Variants in MYO1H observed in about 807,000 individuals in gnomAD.
MYO1H encodes unconventional myosin-Ih.
Under a neutral mutation model 149.3 loss-of-function variants are expected in MYO1H, and 118 were observed. That is an observed-to-expected ratio of 0.79 (90% CI 0.68 to 0.92). The LOEUF is 0.92. Ranked by LOEUF, MYO1H falls within the 40% of genes least tolerant of loss-of-function variation. MYO1H has a pLI of 0.00. For missense variants in MYO1H, 1,212 were observed against 1,280.7 expected (o/e 0.95, Z 0.82); for synonymous variants, 447 against 465.2 (o/e 0.96, Z 0.50).
At chr12:109,441,513 C>T (rs1872127221) in intron 25 of MYO1H, 102 bp from the exon 26 acceptor site, 1 of 688,794 alleles carries the variant, frequency 1.5e-6, no homozygotes. Flanking sequence ...AAGGCTCCCA[C>T]AGTTTATCCA....
chr12:109,345,530 C>T (rs148096894), upstream of MYO1H, among the ~76,000 whole-genome samples: 333 of 152,128 alleles, frequency 2.2e-3, 1 homozygote, highest in East Asian at 0.023. Flanking sequence ...ATGATGTGGC[C>T]AGTTTAGAAA....
chr12:109,375,716 A>G (rs956912414), intron 1 of MYO1H, among the ~76,000 whole-genome samples: 1 of 152,066 alleles, frequency 6.6e-6, no homozygotes, highest in Non-Finnish European at 1.5e-5. Flanking sequence ...AGTGGCTCAC[A>G]CCTGTAATCC....
intron 1 of MYO1H, among the ~76,000 whole-genome samples, chr12:109,380,439 A>G (rs1458785387): frequency 6.6e-6 from 1 of 152,248 alleles, no homozygotes; most frequent in African/African-American, 2.4e-5. Context: ...GGGAACCTAA[A>G]AAACACAGTA....
chr12:109,392,222 C>T (rs555817138), intron 2 of MYO1H, among the ~76,000 whole-genome samples: 23 of 152,324 alleles, frequency 1.5e-4, no homozygotes, highest in African/African-American at 4.8e-4. Flanking sequence ...TGGGAGCCCA[C>T]GGAGCCTGTA....
chr12:109,316,386 G>A, the MYO1H span, among the ~76,000 whole-genome samples: 1 of 152,128 alleles, frequency 6.6e-6, no homozygotes, highest in Admixed American at 6.5e-5. Context: ...AAAAAGCAGC[G>A]TGTTCACTCA....
chr12:109,431,579 C>T (rs548442733), intron 19 of MYO1H, among the ~76,000 whole-genome samples: 6 of 152,250 alleles, frequency 3.9e-5, no homozygotes, highest in East Asian at 1.9e-4. Flanking sequence ...CCTCCCGCTC[C>T]GGAGCTGGGC....
the MYO1H span, among the ~76,000 whole-genome samples, chr12:109,314,203 TTTTC>T: frequency 1.4e-3 from 211 of 151,492 alleles, 2 homozygotes; most frequent in African/African-American, 8.9e-4. Context: ...TTTTTTTCTT[TTTTC>T]TTTGTCTTTT....
At chr12:109,385,234 A>G (rs1247580573) in intron 1 of MYO1H, among the ~76,000 whole-genome samples, 3 of 151,988 alleles carry the variant, frequency 2.0e-5, no homozygotes, top group East Asian at 1.9e-4. Flanking sequence ...ATGCTATGCT[A>G]TATGTGGTAC....
chr12:109,395,210 AGTTT>A (rs1176743932), intron 3 of MYO1H, among the ~76,000 whole-genome samples: 1 of 152,140 alleles, frequency 6.6e-6, no homozygotes, highest in African/African-American at 2.4e-5. Flanking sequence ...ATATCACTGA[AGTTT>A]GTTAATCTCT....
At chr12:109,353,565 T>C (rs1002474745) in intron 1 of MYO1H, among the ~76,000 whole-genome samples, 1 of 152,196 alleles carries the variant, frequency 6.6e-6, no homozygotes, top group Admixed American at 6.5e-5. Context: ...ATGAATCACG[T>C]TATTTTTAAA....
intron 12 of MYO1H, among the ~76,000 whole-genome samples, chr12:109,410,338 C>T (rs1418625408): frequency 6.6e-6 from 1 of 152,010 alleles, no homozygotes; most frequent in Non-Finnish European, 1.5e-5. Flanking sequence ...GACAGGGTCT[C>T]TCTATGTTGC....
chr12:109,416,484 T>G (rs1046764183), intron 15 of MYO1H, among the ~76,000 whole-genome samples: 1 of 152,102 alleles, frequency 6.6e-6, no homozygotes, highest in African/African-American at 2.4e-5. Context: ...CATCCATGCT[T>G]TCATTCCTTT....
At chr12:109,436,446 A>C in intron 21 of MYO1H, 42 bp from the exon 22 acceptor site, 2 of 1,491,282 alleles carry the variant, frequency 1.3e-6, no homozygotes, top group African/African-American at 1.4e-5. Flanking sequence ...AAAGATGCGC[A>C]AATGCAAAGC....
At chr12:109,312,357 C>T in the MYO1H span, among the ~76,000 whole-genome samples, 2 of 151,628 alleles carry the variant, frequency 1.3e-5, no homozygotes, top group South Asian at 2.1e-4. Flanking sequence ...GGACTACAGG[C>T]GCCTGCCACC....
intron 5 of MYO1H, among the ~76,000 whole-genome samples, chr12:109,399,080 A>G (rs1049045347): frequency 3.3e-5 from 5 of 152,224 alleles, no homozygotes; most frequent in Admixed American, 1.3e-4. Flanking sequence ...ACGGAGCTCA[A>G]TGTTCAGGAC....
At chr12:109,326,942 T>C in the MYO1H span, among the ~76,000 whole-genome samples, 6 of 152,088 alleles carry the variant, frequency 3.9e-5, no homozygotes, top group Non-Finnish European at 2.9e-5. Context: ...CCCCACTCTA[T>C]GAATAAGATA....
At chr12:109,367,543 T>A (rs1396520679) in intron 1 of MYO1H, among the ~76,000 whole-genome samples, 2 of 149,808 alleles carry the variant, frequency 1.3e-5, no homozygotes, top group African/African-American at 4.8e-5. Context: ...ATTCATGTAT[T>A]TATTTATTTA....
chr12:109,425,265 T>C (rs973154630), intron 17 of MYO1H, among the ~76,000 whole-genome samples: 1 of 152,062 alleles, frequency 6.6e-6, no homozygotes, highest in African/African-American at 2.4e-5. Context: ...ACCCAGGAGT[T>C]TGAAGTTACA....
the MYO1H span, among the ~76,000 whole-genome samples, chr12:109,318,749 A>C: frequency 1.3e-5 from 2 of 152,186 alleles, no homozygotes. Context: ...CTGGGTGGGC[A>C]TGAATGCAGT....
Sources: gnomAD v4.1 joint callset for allele counts (sites outside exome capture counted in the v4.1 genomes callset) on GRCh38, gnomAD v4.1.1 for gene constraint, MANE v1.5 for transcripts, NCBI Gene and HGNC (gene_info 2026-07-23, HGNC 2026-07-21) for gene names.